ATP9A: variants seen among roughly 807,000 people sequenced by gnomAD.
ATP9A encodes the protein probable phospholipid-transporting ATPase IIA.
ATP9A carries 52 observed loss-of-function variants against 144.1 expected under a neutral mutation model. That is an observed-to-expected ratio of 0.36 (90% CI 0.29 to 0.45). The LOEUF is 0.45. ATP9A is among the 20% of genes least tolerant of loss of function. ATP9A has a pLI of 1.00. For missense variants in ATP9A, 947 were observed against 1,392.7 expected, an observed-to-expected ratio of 0.68 and a Z score of 5.09; for synonymous variants, 582 against 557.4, an observed-to-expected ratio of 1.04 and a Z score of -0.62.
Position 51,622,145 on chromosome 20 carries a change from C to G in ATP9A, c.2044G>C (p.Glu682Gln). Residue 682 changes from glutamate to glutamine, a missense_variant, in exon 19 of 28, where the codon GAG becomes CAG. Physicochemically the swap from Glu to Gln is conservative, Grantham distance 29. Around this residue, in one of 2 missense-constraint regions of ATP9A, gnomAD observed 770 missense variants for 1,047.9 expected, o/e 0.73. Coordinates refer to ENST00000338821, the MANE Select transcript of ATP9A (RefSeq NM_006045.3). ...TTCTTCGCTGTGCACGTAGCTGTCTCCAGCTTGTCCCCTGTCAGCATCCAA... is the reference window on the plus strand; with the variant it reads ...TTCTTCGCTGTGCACGTAGCTGTCTGCAGCTTGTCCCCTGTCAGCATCCAA... ...KVWMLTGDKLETATCTAKNAH... is the reference protein window; with the variant it reads ...KVWMLTGDKLQTATCTAKNAH... 6.2e-7 allele frequency: 1 copy of G among 1,614,102 alleles called. No individual in the cohort carries two copies. The highest frequency in any genetic ancestry group is 1.7e-5 in the Admixed American group (1 of 60,028).
chr20:51,718,848 G>C (rs2122858482), intron 3 of ATP9A, among the ~76,000 whole-genome samples: 1 of 109,824 alleles, frequency 9.1e-6, no homozygotes, highest in African/African-American at 3.4e-5. Context: ...AAAAAAAACA[G>C]GCCGGGTGCA....
intron 1 of ATP9A, among the ~76,000 whole-genome samples, chr20:51,758,205 A>G (rs2077864495): frequency 6.6e-6 from 1 of 152,246 alleles, no homozygotes; most frequent in Admixed American, 6.5e-5. Flanking sequence ...TTTCATACAT[A>G]TATTAATCTT....
chr20:51,620,342 C>G (rs1282221338), intron 19 of ATP9A, among the ~76,000 whole-genome samples: 3 of 152,220 alleles, frequency 2.0e-5, no homozygotes, highest in Non-Finnish European at 4.4e-5. Flanking sequence ...AGTCAATTCT[C>G]ATTATTCATA....
At chr20:51,651,137 C>CCT (rs934220515) in intron 14 of ATP9A, among the ~76,000 whole-genome samples, 11 of 92,884 alleles carry the variant, frequency 1.2e-4, no homozygotes, top group South Asian at 4.0e-4. Flanking sequence ...CTGTACTGGT[C>CCT]CTCTCTCTCT....
At chr20:51,683,053 T>C (rs536883276) in intron 9 of ATP9A, among the ~76,000 whole-genome samples, 2 of 149,598 alleles carry the variant, frequency 1.3e-5, no homozygotes. Flanking sequence ...GATCGCACCA[T>C]TGCACTCCAG....
At position 51,710,690 on chromosome 20, in the gene ATP9A, C is replaced by T. The variant is rs1218089505; in HGVS notation, c.436+2276G>A. Among the ~76,000 whole-genome samples, 10 of 152,264 alleles carry T rather than the reference C, an allele frequency of 6.6e-5. No individual in the cohort carries two copies. In the South Asian group the frequency reaches 2.1e-3, roughly 32 times the overall value. ...AGAGTGGGATTGGCATAACAATGGACACCAGGGGCCGCAAAGAGAGACCCA... is the reference window on the plus strand; with the variant it reads ...AGAGTGGGATTGGCATAACAATGGATACCAGGGGCCGCAAAGAGAGACCCA... On this transcript the variant is annotated intron_variant, in intron 4 of 27. Transcript: ENST00000338821.
chr20:51,629,362 A>T (rs561933523), intron 15 of ATP9A, among the ~76,000 whole-genome samples: 1 of 152,364 alleles, frequency 6.6e-6, no homozygotes, highest in South Asian at 2.1e-4. Flanking sequence ...ATAGACTCAC[A>T]TGCTATGATT....
intron 3 of ATP9A, among the ~76,000 whole-genome samples, chr20:51,714,661 C>T (rs2122853043): frequency 6.6e-6 from 1 of 152,310 alleles, no homozygotes; most frequent in Non-Finnish European, 1.5e-5. Flanking sequence ...AGCCACCACG[C>T]CCAGCAGAGA....
chr20:51,700,152 C>T (rs2077587442), intron 4 of ATP9A, among the ~76,000 whole-genome samples: 1 of 152,172 alleles, frequency 6.6e-6, no homozygotes, highest in African/African-American at 2.4e-5. Flanking sequence ...ATCCACTGGC[C>T]TCCTTTCATT....
Position 51,697,457 on chromosome 20 carries a change from G to A in ATP9A, c.462C>T (p.Asn154=). Residue 154 remains asparagine, a synonymous_variant, in exon 5 of 28, where the codon AAC becomes AAT. Coordinates refer to ENST00000338821, the MANE Select transcript of ATP9A (RefSeq NM_006045.3). The part of the protein sequence containing the change: ...ARGTVKVKSS[N]IQVGDLIIVE... ...CGATGATAAGGTCTCCAACTTGGAT[G>A]TTAGAACTCTTCACCTTCACTGTGC... The A allele has an allele frequency of 1.2e-6, 2 of 1,613,632 alleles. No individual in the cohort carries two copies. Among genetic ancestry groups the A allele is most frequent in the Non-Finnish European group, 1.7e-6 (2 of 1,179,832 alleles).
At chr20:51,631,526 T>C (rs940535437) in intron 15 of ATP9A, among the ~76,000 whole-genome samples, 4 of 152,150 alleles carry the variant, frequency 2.6e-5, no homozygotes, top group African/African-American at 7.2e-5. Flanking sequence ...CCAATATAAA[T>C]ACCGCATCAA....
chr20:51,682,765 G>T (rs1381709372), intron 9 of ATP9A, among the ~76,000 whole-genome samples: 1 of 147,374 alleles, frequency 6.8e-6, no homozygotes, highest in African/African-American at 2.5e-5. Context: ...CTAATTTTTT[G>T]TATTTTTAGT....
intron 19 of ATP9A, among the ~76,000 whole-genome samples, chr20:51,621,246 G>A (rs1280798515): frequency 6.6e-6 from 1 of 152,058 alleles, no homozygotes; most frequent in Non-Finnish European, 1.5e-5. Context: ...TTTGGGAGGA[G>A]GAGAATTCAC....
At chr20:51,637,109 ACTTGTCATTCCTGTC>A (rs1255835699) in intron 15 of ATP9A, among the ~76,000 whole-genome samples, 1 of 151,802 alleles carries the variant, frequency 6.6e-6, no homozygotes, top group Non-Finnish European at 1.5e-5. Flanking sequence ...AATAAATGTT[ACTTGTCATTCCTGTC>A]ATTCTTCTTA....
intron 1 of ATP9A, among the ~76,000 whole-genome samples, chr20:51,738,421 C>T (rs1369556954): frequency 4.6e-5 from 7 of 152,112 alleles, no homozygotes; most frequent in Admixed American, 6.6e-5. Context: ...GTATGCCTCT[C>T]GGCCAGGCGC....
At chr20:51,767,722 C>G (rs1464116975) in intron 1 of ATP9A, among the ~76,000 whole-genome samples, 1 of 152,142 alleles carries the variant, frequency 6.6e-6, no homozygotes, top group Non-Finnish European at 1.5e-5. Context: ...CACCCTCCTG[C>G]GACTGCTGGT....
At chr20:51,626,085 G>T (rs549460364) in intron 17 of ATP9A, among the ~76,000 whole-genome samples, 1 of 152,172 alleles carries the variant, frequency 6.6e-6, no homozygotes, top group African/African-American at 2.4e-5. Flanking sequence ...CCAGAGACAC[G>T]GCAGTAAACA....
chr20:51,682,577 C>CTTTTTTTTTTTT (rs60505207), intron 9 of ATP9A, among the ~76,000 whole-genome samples: 1,756 of 35,070 alleles, frequency 0.05, 526 homozygotes, highest in Non-Finnish European at 0.066. Context: ...TTCACTGTAT[C>CTTTTTTTTTTTT]TTTTTTTTTT....
At chr20:51,640,169 C>T (rs2077312781) in intron 14 of ATP9A, among the ~76,000 whole-genome samples, 1 of 152,068 alleles carries the variant, frequency 6.6e-6, no homozygotes. Context: ...CTGCAACAAG[C>T]TAAACAATAA....
Sources: gnomAD v4.1 joint callset for allele counts (sites outside exome capture counted in the v4.1 genomes callset) on GRCh38, gnomAD v4.1.1 for gene constraint, gnomAD v4.1.1 regional missense constraint, MANE v1.5 for transcripts, NCBI Gene and HGNC (gene_info 2026-07-23, HGNC 2026-07-21) for gene names.